METTL15: variants seen among roughly 807,000 people sequenced by gnomAD.
METTL15 encodes methyltransferase 15, mitochondrial 12S rRNA N4-cytidine, also known as 12S rRNA N(4)-cytidine methyltransferase METTL15.
A neutral mutation model predicts 38.3 loss-of-function variants in METTL15; 34 were observed. That is an observed-to-expected ratio of 0.89 (90% CI 0.68 to 1.18). The LOEUF (loss-of-function observed/expected upper bound fraction) is 1.18, where lower values mean the gene tolerates loss of function less well. Among genes scored for constraint, METTL15 ranks in the 50% most tolerant of loss-of-function variants. The probability of loss-of-function intolerance (pLI) is 0.00; values close to 1 mark genes in which losing one functional copy is unlikely to be tolerated. For missense variants in METTL15, 438 were observed against 498.4 expected (o/e 0.88, Z 1.15); for synonymous variants, 162 against 170.9 (o/e 0.95, Z 0.41).
chr11:28,441,437 C>G (rs543989378), intron 6 of METTL15, among the ~76,000 whole-genome samples: 107 of 152,298 alleles, frequency 7.0e-4, no homozygotes, highest in African/African-American at 2.4e-3. Context: ...TGAAGCCACT[C>G]TGGTACTTCT....
intron 4 of METTL15, among the ~76,000 whole-genome samples, chr11:28,214,419 A>T (rs931479674): frequency 1.2e-4 from 18 of 152,212 alleles, no homozygotes; most frequent in Non-Finnish European, 2.2e-4. Context: ...TGAAAAGGAA[A>T]TACTAGTATA....
At chr11:28,282,966 A>G (rs948437466) in intron 4 of METTL15, among the ~76,000 whole-genome samples, 1 of 152,164 alleles carries the variant, frequency 6.6e-6, no homozygotes, top group African/African-American at 2.4e-5. Flanking sequence ...ATCATTATTA[A>G]TCATTTTCAT....
At chr11:28,386,685 A>C (rs943934146) in intron 5 of METTL15, among the ~76,000 whole-genome samples, 4 of 151,994 alleles carry the variant, frequency 2.6e-5, no homozygotes, top group Non-Finnish European at 5.9e-5. Context: ...GAAATAGAGG[A>C]TGTGGACAAC....
intron 4 of METTL15, among the ~76,000 whole-genome samples, chr11:28,211,586 A>G (rs927439139): frequency 6.6e-6 from 1 of 152,112 alleles, no homozygotes; most frequent in Non-Finnish European, 1.5e-5. Context: ...AGAACTCATG[A>G]GGACATATAC....
chr11:28,475,088 A>C (rs566014992), intron 6 of METTL15, among the ~76,000 whole-genome samples: 1 of 152,178 alleles, frequency 6.6e-6, no homozygotes, highest in Non-Finnish European at 1.5e-5. Context: ...TCAGTTAAGC[A>C]GTTGTACTCA....
intron 3 of METTL15, among the ~76,000 whole-genome samples, chr11:28,129,514 A>T (rs1852663541): frequency 6.6e-6 from 1 of 151,408 alleles, no homozygotes; most frequent in African/African-American, 2.4e-5. Flanking sequence ...GGTTCAAGAG[A>T]TTCTCCCTCC....
At chr11:28,507,315 G>A (rs1476845886) in intron 6 of METTL15, among the ~76,000 whole-genome samples, 2 of 152,140 alleles carry the variant, frequency 1.3e-5, no homozygotes, top group Non-Finnish European at 2.9e-5. Flanking sequence ...GAGGAAGAGA[G>A]AGTGAAGGGG....
intron 4 of METTL15, among the ~76,000 whole-genome samples, chr11:28,219,676 C>T (rs1853094280): frequency 6.6e-6 from 1 of 152,016 alleles, no homozygotes. Context: ...CAGATCTTTC[C>T]TGCTTTCTCT....
At chr11:28,526,621 G>A (rs1225364563) in exon 8 of METTL15, 1 of 152,164 alleles carries the variant, frequency 6.6e-6, no homozygotes, top group Non-Finnish European at 1.5e-5. Flanking sequence ...CACAGGCCCA[G>A]GAAAGGGAAG....
intron 4 of METTL15, among the ~76,000 whole-genome samples, chr11:28,212,690 GA>G (rs776369234): frequency 2.0e-5 from 3 of 152,094 alleles, no homozygotes; most frequent in Non-Finnish European, 4.4e-5. Flanking sequence ...AGGGAATAGT[GA>G]CAAGAAGAAA....
intron 4 of METTL15, among the ~76,000 whole-genome samples, chr11:28,213,857 G>A (rs1422427770): frequency 3.3e-5 from 5 of 151,466 alleles, no homozygotes; most frequent in South Asian, 4.2e-4. Context: ...GGGTTTCACC[G>A]TGTTAGCCAA....
intron 5 of METTL15, among the ~76,000 whole-genome samples, chr11:28,400,319 A>G (rs1590361812): frequency 6.6e-6 from 1 of 151,884 alleles, no homozygotes; most frequent in East Asian, 1.9e-4. Flanking sequence ...AAGCTTACAC[A>G]TTTGTTAAGC....
intron 4 of METTL15, among the ~76,000 whole-genome samples, chr11:28,239,468 G>A (rs929807334): frequency 4.6e-5 from 7 of 152,092 alleles, no homozygotes; most frequent in Non-Finnish European, 5.9e-5. Flanking sequence ...CCTGGTCCAG[G>A]CCACCATCAT....
chr11:28,155,341 A>T (rs947261691), intron 3 of METTL15, among the ~76,000 whole-genome samples: 2 of 152,164 alleles, frequency 1.3e-5, no homozygotes, highest in African/African-American at 2.4e-5. Flanking sequence ...CTTCTTTTAC[A>T]AGGGGTGGAG....
At chr11:28,217,306 T>A (rs1852933164) in intron 4 of METTL15, among the ~76,000 whole-genome samples, 1 of 152,224 alleles carries the variant, frequency 6.6e-6, no homozygotes, top group Non-Finnish European at 1.5e-5. Flanking sequence ...ATTTCTCTGA[T>A]GGCCAGTGAT....
At chr11:28,281,407 G>A (rs1856050993) in intron 4 of METTL15, among the ~76,000 whole-genome samples, 1 of 152,126 alleles carries the variant, frequency 6.6e-6, no homozygotes, top group Non-Finnish European at 1.5e-5. Flanking sequence ...TCAGCTCTCA[G>A]CATCCGCTTG....
chr11:28,436,994 CAG>C (rs1393105044), intron 6 of METTL15, among the ~76,000 whole-genome samples: 4 of 152,178 alleles, frequency 2.6e-5, no homozygotes, highest in African/African-American at 7.2e-5. Flanking sequence ...AGCTGACTTG[CAG>C]AGTCTTCCAG....
chr11:28,178,824 C>T (rs1295684565), intron 3 of METTL15, among the ~76,000 whole-genome samples: 1 of 151,502 alleles, frequency 6.6e-6, no homozygotes, highest in Admixed American at 6.6e-5. Context: ...GTAAATATTC[C>T]TTATAGGTTT....
intron 5 of METTL15, among the ~76,000 whole-genome samples, chr11:28,421,437 G>A (rs1243483799): frequency 6.6e-6 from 1 of 151,978 alleles, no homozygotes; most frequent in African/African-American, 2.4e-5. Flanking sequence ...TATCTCTGAT[G>A]CATATTAATA....
Sources: gnomAD v4.1 joint callset for allele counts (sites outside exome capture counted in the v4.1 genomes callset) on GRCh38, gnomAD v4.1.1 for gene constraint, MANE v1.5 for transcripts, NCBI Gene and HGNC (gene_info 2026-07-23, HGNC 2026-07-21) for gene names.